The following EIF2S1 variants were observed in gnomAD, a reference collection of about 807,000 sequenced individuals.
The protein encoded by EIF2S1 is eukaryotic translation initiation factor 2 subunit 1.
EIF2S1 carries 5 observed loss-of-function variants against 33.5 expected under a neutral mutation model. The observed-to-expected ratio is 0.15, with a 90% CI of 0.08 to 0.31. The LOEUF (loss-of-function observed/expected upper bound fraction) is 0.31, where lower values mean the gene tolerates loss of function less well. Among genes scored for constraint, EIF2S1 ranks in the 10% least tolerant of loss-of-function variants. The probability of loss-of-function intolerance (pLI) is 1.00; values close to 1 mark genes in which losing one functional copy is unlikely to be tolerated. For synonymous variants in EIF2S1, 99 were observed against 127.5 expected, an observed-to-expected ratio of 0.78 and a Z score of 1.51; for missense variants, 191 against 384.6, an observed-to-expected ratio of 0.50 and a Z score of 4.21.
intron 2 of EIF2S1, among the ~76,000 whole-genome samples, chr14:67,372,587 T>C (rs1401208547): frequency 6.6e-6 from 1 of 152,180 alleles, no homozygotes; most frequent in Non-Finnish European, 1.5e-5. Flanking sequence ...TCCCAGCACT[T>C]TGGGAGGCCA....
Position 67,376,435 on chromosome 14 carries a change from C to A in EIF2S1, c.322-4C>A. ...AATTGTTGAGCTTTTCATTTTATTTCTAGGTTTATAGCATTCTTCGTCATG... is the reference window on the plus strand; with the variant it reads ...AATTGTTGAGCTTTTCATTTTATTTATAGGTTTATAGCATTCTTCGTCATG... On this transcript the variant is annotated splice_region_variant and splice_polypyrimidine_tract_variant and intron_variant, in intron 3 of 7. Transcript: ENST00000256383. The A allele has an allele frequency of 1.3e-6, 2 of 1,577,566 alleles. No homozygotes were observed. Among genetic ancestry groups the A allele is most frequent in the South Asian group, 1.2e-5 (1 of 85,148 alleles).
intron 1 of EIF2S1, 114 bp from the exon 2 acceptor site, chr14:67,364,653 C>T (rs760408623): frequency 2.8e-6 from 3 of 1,078,944 alleles, no homozygotes; most frequent in South Asian, 1.7e-5. Flanking sequence ...AAGACTAAGA[C>T]TAATAACTAT....
At chr14:67,374,578 C>T in intron 3 of EIF2S1, 31 bp downstream of exon 3, 4 of 1,401,794 alleles carry the variant, frequency 2.9e-6, no homozygotes, top group Non-Finnish European at 4.0e-6. Context: ...AATTAGTCCA[C>T]TATCTGTGTG....
At chr14:67,376,725 C>A in intron 4 of EIF2S1, 135 bp downstream of exon 4, 3 of 829,808 alleles carry the variant, frequency 3.6e-6, no homozygotes, top group Non-Finnish European at 3.7e-6. Flanking sequence ...GTAAATGGGC[C>A]AATCCTATAT....
intron 2 of EIF2S1, among the ~76,000 whole-genome samples, chr14:67,374,156 G>GC (rs1450980999): frequency 6.6e-6 from 1 of 152,066 alleles, no homozygotes; most frequent in Non-Finnish European, 1.5e-5. Context: ...AAACTTTTGA[G>GC]CACCAACATG....
chr14:67,375,961 C>T (rs1382570360), intron 3 of EIF2S1, among the ~76,000 whole-genome samples: 2 of 152,010 alleles, frequency 1.3e-5, no homozygotes, highest in African/African-American at 4.8e-5. Flanking sequence ...TTATGTGTAA[C>T]TATGATGAAG....
At chr14:67,365,918 G>A (rs893271198) in intron 2 of EIF2S1, among the ~76,000 whole-genome samples, 4 of 152,050 alleles carry the variant, frequency 2.6e-5, no homozygotes, top group African/African-American at 9.7e-5. Flanking sequence ...TTATGCCTTA[G>A]GTAGTGACTG....
chr14:67,367,934 G>T (rs759762294), intron 2 of EIF2S1, among the ~76,000 whole-genome samples: 1 of 151,962 alleles, frequency 6.6e-6, no homozygotes, highest in Non-Finnish European at 1.5e-5. Context: ...GACTATTTTT[G>T]CCCTTCTTAG....
At chr14:67,367,734 G>A (rs1458145289) in intron 2 of EIF2S1, among the ~76,000 whole-genome samples, 1 of 152,018 alleles carries the variant, frequency 6.6e-6, no homozygotes, top group African/African-American at 2.4e-5. Flanking sequence ...TTCTCGGGCG[G>A]CTGAGGTAGG....
intron 4 of EIF2S1, 79 bp downstream of exon 4, chr14:67,376,669 TATAAA>T: frequency 6.8e-7 from 1 of 1,464,892 alleles, no homozygotes; most frequent in South Asian, 1.3e-5. Context: ...AGCATCCATG[TATAAA>T]ATACTTGCCA....
At chr14:67,362,063 C>T (rs1330454318) in intron 1 of EIF2S1, among the ~76,000 whole-genome samples, 3 of 148,256 alleles carry the variant, frequency 2.0e-5, no homozygotes, top group Non-Finnish European at 3.0e-5. Flanking sequence ...TCTCTGTTGC[C>T]CAGGCTGGAG....
intron 2 of EIF2S1, among the ~76,000 whole-genome samples, chr14:67,374,143 C>G (rs2085843718): frequency 6.6e-6 from 1 of 152,120 alleles, no homozygotes; most frequent in African/African-American, 2.4e-5. Context: ...GCTCCAAAAT[C>G]TGAAACTTTT....
At chr14:67,380,809 C>A in intron 5 of EIF2S1, 44 bp downstream of exon 5, 2 of 1,070,322 alleles carry the variant, frequency 1.9e-6, no homozygotes, top group Non-Finnish European at 2.6e-6. Flanking sequence ...TTGCATGCAT[C>A]AAAAAAGCTA....
rs988302496 is a variant in EIF2S1 at position 67,361,505 on chromosome 14, C to T, written c.-2+1049C>T. Among the ~76,000 whole-genome samples, 6 of 152,196 alleles carry T rather than the reference C, an allele frequency of 3.9e-5. No individual in the cohort carries two copies. In the South Asian group the frequency reaches 6.2e-4, roughly 16 times the overall value. On this transcript the variant is annotated intron_variant, in intron 1 of 7. Coordinates refer to ENST00000256383, the MANE Select transcript of EIF2S1 (RefSeq NM_004094.5). The stretch of plus-strand genomic sequence containing the variant: ...CAAGAACTAGCATTCAGAGAGCATT[C>T]CTAATACGTGTTAGATCCAAATTAG...
At chr14:67,382,812 A>G (rs1456856613) in intron 7 of EIF2S1, 3 of 541,824 alleles carry the variant, frequency 5.5e-6, no homozygotes, top group African/African-American at 1.9e-5. Flanking sequence ...TGCATGTGGC[A>G]TGTCTAAAAT....
intron 2 of EIF2S1, among the ~76,000 whole-genome samples, chr14:67,365,643 T>A (rs1043485563): frequency 6.6e-6 from 1 of 152,234 alleles, no homozygotes; most frequent in African/African-American, 2.4e-5. Context: ...ACTCTTTTTT[T>A]AAACATGGTG....
chr14:67,380,262 GGAA>G (rs1356392097), intron 4 of EIF2S1, among the ~76,000 whole-genome samples: 1 of 152,072 alleles, frequency 6.6e-6, no homozygotes, highest in Non-Finnish European at 1.5e-5. Flanking sequence ...CTCATTAACT[GGAA>G]GTAATACCTT....
At chr14:67,366,048 C>G (rs1385673017) in intron 2 of EIF2S1, among the ~76,000 whole-genome samples, 2 of 150,878 alleles carry the variant, frequency 1.3e-5, no homozygotes, top group Non-Finnish European at 2.9e-5. Flanking sequence ...CATCACTGTC[C>G]TAGTAGTACC....
chr14:67,378,353 A>G (rs1235289432), intron 4 of EIF2S1, among the ~76,000 whole-genome samples: 1 of 137,018 alleles, frequency 7.3e-6, no homozygotes, highest in African/African-American at 2.8e-5. Flanking sequence ...ATCACGTGGT[A>G]GAAAAGGTGG....
Sources: gnomAD v4.1 joint callset for allele counts (sites outside exome capture counted in the v4.1 genomes callset) on GRCh38, gnomAD v4.1.1 for gene constraint, MANE v1.5 for transcripts, NCBI Gene and HGNC (gene_info 2026-07-23, HGNC 2026-07-21) for gene names.